Variants in MKRN2OS observed in about 807,000 individuals in gnomAD.
The protein encoded by MKRN2OS is MKRN2 opposite strand protein.
A neutral mutation model predicts 18.2 loss-of-function variants in MKRN2OS; 17 were observed. The observed-to-expected ratio is 0.93, with a 90% CI of 0.64 to 1.40. The LOEUF (loss-of-function observed/expected upper bound fraction) is 1.40, where lower values mean the gene tolerates loss of function less well. Among genes scored for constraint, MKRN2OS ranks in the 40% most tolerant of loss-of-function variants. The pLI is 0.00. For missense variants in MKRN2OS, 337 were observed against 283.0 expected (o/e 1.19, Z -1.37); for synonymous variants, 121 against 108.5 (o/e 1.12, Z -0.72).
At chr3:12,548,945 TTTTA>T (rs1224391269), upstream of MKRN2OS, among the ~76,000 whole-genome samples, 2 of 152,170 alleles carry the variant, frequency 1.3e-5, no homozygotes, top group African/African-American at 2.4e-5. Flanking sequence ...TTTTATTTTA[TTTTA>T]TTTGAGACGG....
At chr3:12,553,294 A>G (rs2057942922), downstream of MKRN2OS, among the ~76,000 whole-genome samples, 2 of 152,182 alleles carry the variant, frequency 1.3e-5, no homozygotes, top group African/African-American at 4.8e-5. Context: ...TAACAAATAG[A>G]TGATTTATAG....
rs1426610104 is a variant in MKRN2OS at position 12,541,840 on chromosome 3, C to A, written c.431+20G>T. The A allele has an allele frequency of 6.5e-7, 1 of 1,531,118 alleles. No individual in the cohort carries two copies. Among genetic ancestry groups the A allele is most frequent in the Non-Finnish European group, 8.7e-7 (1 of 1,144,622 alleles). The allele number at this position is 1,531,118 out of a possible 1,614,324, so 94.8% of individuals were successfully genotyped here. On this transcript the variant is annotated intron_variant, in intron 3 of 3. Transcript: ENST00000564146. ...TAGCATGTGAGTGTCAGCGAGGGGG[C>A]AGCATTTGCAGTCGTGTACCTGTGA...
intron 1 of MKRN2OS, among the ~76,000 whole-genome samples, chr3:12,555,618 A>G (rs2057962621): frequency 6.6e-6 from 1 of 152,226 alleles, no homozygotes; most frequent in Non-Finnish European, 1.5e-5. Flanking sequence ...GTACTGAATT[A>G]TTATTTATAT....
At chr3:12,549,324 G>A (rs1168123707), upstream of MKRN2OS, among the ~76,000 whole-genome samples, 1 of 151,838 alleles carries the variant, frequency 6.6e-6, no homozygotes, top group Non-Finnish European at 1.5e-5. Flanking sequence ...GCTCACTGCA[G>A]CCTCCATCTC....
At chr3:12,545,914 T>A (rs2057878626), upstream of MKRN2OS, among the ~76,000 whole-genome samples, 1 of 152,128 alleles carries the variant, frequency 6.6e-6, no homozygotes, top group South Asian at 2.1e-4. Flanking sequence ...CAAGTGATTC[T>A]CCCCACTCAG....
At chr3:12,551,705 T>G (rs2442816), downstream of MKRN2OS, among the ~76,000 whole-genome samples, 7 of 150,982 alleles carry the variant, frequency 4.6e-5, no homozygotes, top group African/African-American at 1.7e-4. Context: ...GGAGGCCAAG[T>G]TGGGCAGATC....
upstream of MKRN2OS, among the ~76,000 whole-genome samples, chr3:12,547,107 CTAAA>C (rs201096393): frequency 1.3e-4 from 19 of 151,550 alleles, no homozygotes; most frequent in African/African-American, 3.1e-4. Flanking sequence ...GACCCTGTCT[CTAAA>C]TAAATAAATA....
chr3:12,558,103 AAC>A (rs1444214993), intron 1 of MKRN2OS, among the ~76,000 whole-genome samples: 1 of 152,240 alleles, frequency 6.6e-6, no homozygotes, highest in African/African-American at 2.4e-5. Context: ...ATTGCTTAAA[AAC>A]AGTTATAGAG....
chr3:12,554,694 C>T (rs1302582522), intron 1 of MKRN2OS, among the ~76,000 whole-genome samples: 1 of 151,966 alleles, frequency 6.6e-6, no homozygotes, highest in African/African-American at 2.4e-5. Context: ...GCTCTATGTA[C>T]TGATATGGAA....
At chr3:12,549,093 C>T (rs137898091), upstream of MKRN2OS, among the ~76,000 whole-genome samples, 13 of 152,110 alleles carry the variant, frequency 8.5e-5, no homozygotes, top group African/African-American at 2.4e-4. Flanking sequence ...CACCATCACA[C>T]CTGACTAATT....
intron 1 of MKRN2OS, among the ~76,000 whole-genome samples, chr3:12,543,568 T>C (rs11924626): frequency 0.013 from 1,952 of 144,640 alleles, 46 homozygotes; most frequent in African/African-American, 0.047. Flanking sequence ...CCCTGGGGGA[T>C]AGAACGAGAG....
At chr3:12,544,683 G>GGAA (rs1553606573) in intron 1 of MKRN2OS, among the ~76,000 whole-genome samples, 3 of 147,558 alleles carry the variant, frequency 2.0e-5, no homozygotes, top group Non-Finnish European at 4.5e-5. Context: ...CTGTCTCGGG[G>GGAA]AAAAAAAAAA....
chr3:12,541,282 C>T (rs1402626564), intron 3 of MKRN2OS, among the ~76,000 whole-genome samples: 3 of 151,992 alleles, frequency 2.0e-5, no homozygotes, highest in East Asian at 3.9e-4. Flanking sequence ...GGAGTGCAAT[C>T]GTGTGATTTC....
At chr3:12,553,233 A>G (rs944273585), downstream of MKRN2OS, among the ~76,000 whole-genome samples, 1 of 152,164 alleles carries the variant, frequency 6.6e-6, no homozygotes, top group African/African-American at 2.4e-5. Flanking sequence ...AAGGAACACT[A>G]CAGACTAATA....
At chr3:12,545,164 G>T in intron 1 of MKRN2OS, 83 bp downstream of exon 1, 7 of 1,116,222 alleles carry the variant, frequency 6.3e-6, no homozygotes, top group Non-Finnish European at 8.7e-6. Flanking sequence ...CACACATTAT[G>T]TATTAAGAAA....
intron 1 of MKRN2OS, among the ~76,000 whole-genome samples, chr3:12,554,796 T>G (rs971529067): frequency 2.6e-5 from 4 of 152,222 alleles, no homozygotes; most frequent in Non-Finnish European, 5.9e-5. Context: ...TATTTACTTG[T>G]GTATATTTAA....
At chr3:12,553,374 TATAATTCA>T (rs2057943523), downstream of MKRN2OS, among the ~76,000 whole-genome samples, 1 of 151,994 alleles carries the variant, frequency 6.6e-6, no homozygotes, top group East Asian at 1.9e-4. Context: ...AATCAATCAG[TATAATTCA>T]ATACATTACC....
chr3:12,546,556 T>C (rs987047342), upstream of MKRN2OS, among the ~76,000 whole-genome samples: 4 of 150,426 alleles, frequency 2.7e-5, no homozygotes, highest in Non-Finnish European at 5.9e-5. Context: ...TGGGTGTATA[T>C]ATTTAAAGGG....
chr3:12,552,705 C>A (rs2057938712), downstream of MKRN2OS, among the ~76,000 whole-genome samples: 1 of 151,524 alleles, frequency 6.6e-6, no homozygotes, highest in Non-Finnish European at 1.5e-5. Context: ...GCCACCATGC[C>A]CCACATTTAA....
Sources: gnomAD v4.1 joint callset for allele counts (sites outside exome capture counted in the v4.1 genomes callset) on GRCh38, gnomAD v4.1.1 for gene constraint, MANE v1.5 for transcripts, NCBI Gene and HGNC (gene_info 2026-07-23, HGNC 2026-07-21) for gene names.